Variants in TMIE observed in about 807,000 individuals in gnomAD.
TMIE encodes transmembrane inner ear expressed protein.
In TMIE, 14 loss-of-function variants were observed where a neutral mutation model predicts 16.8. The ratio of observed to expected loss-of-function variants is 0.83; its 90% confidence interval spans 0.55 to 1.30. TMIE has a LOEUF of 1.30. Among genes scored for constraint, TMIE ranks in the 50% most tolerant of loss-of-function variants. TMIE has a pLI of 0.00. For missense variants in TMIE, 204 were observed against 205.9 expected, an observed-to-expected ratio of 0.99 and a Z score of 0.06; for synonymous variants, 75 against 87.2, an observed-to-expected ratio of 0.86 and a Z score of 0.78.
At chr3:46,698,824 C>A (rs928114779), upstream of TMIE, among the ~76,000 whole-genome samples, 2 of 151,758 alleles carry the variant, frequency 1.3e-5, no homozygotes, top group East Asian at 1.9e-4. Flanking sequence ...GTTTCTTTTT[C>A]TTTTCTTTTC....
chr3:46,708,164 C>T (rs901895150), intron 2 of TMIE, among the ~76,000 whole-genome samples: 1 of 152,196 alleles, frequency 6.6e-6, no homozygotes. Context: ...TATTCTGAGC[C>T]TGGGTGAGAC....
At position 46,701,423 on chromosome 3, in the gene TMIE, AG is replaced by A; in HGVS notation, c.-61del. On this transcript the variant is annotated 5_prime_UTR_variant, in exon 1 of 4. Coordinates refer to ENST00000643606, the MANE Select transcript of TMIE (RefSeq NM_147196.3). The surrounding 1 kb of genome is among the most constrained non-coding windows in gnomAD (Gnocchi z 4.3). ...CCGTGGCCACCGAGCGCCGGCTGGC[AG>A]GGGCAGTGACCGGCGGCCGGCCCGT... 2 of 1,326,344 alleles carry A rather than the reference AG, an allele frequency of 1.5e-6. No homozygotes were observed. The highest frequency in any genetic ancestry group is 2.0e-6 in the Non-Finnish European group (2 of 1,000,308). The allele number at this position is 1,326,344 out of a possible 1,614,324, so 82.2% of individuals were successfully genotyped here.
At chr3:46,695,844 A>G (rs961078200) in intron 1 of TMIE, among the ~76,000 whole-genome samples, 1 of 152,186 alleles carries the variant, frequency 6.6e-6, no homozygotes, top group Non-Finnish European at 1.5e-5. Context: ...TGGGCAGCAG[A>G]CCAGTCCTTC....
At chr3:46,700,457 A>G (rs1575467507), upstream of TMIE, among the ~76,000 whole-genome samples, 1 of 152,102 alleles carries the variant, frequency 6.6e-6, no homozygotes, top group Admixed American at 6.5e-5. Flanking sequence ...GGCCTTCACC[A>G]GTGCCCCTGG....
At position 46,704,487 on chromosome 3, in the gene TMIE, A is replaced by ACGCCCAGGGCAGGACCG. The variant is rs1283387968; in HGVS notation, c.94-1303_94-1302insCGCCCAGGGCAGGACCG. ...ACCCAGGGCAGGACCATGTCCCTAG[A>ACGCCCAGGGCAGGACCG]TGCCCAGGGCAGGACCGTGTCCCCT... is the stretch of plus-strand genomic sequence containing the variant. On this transcript the variant is annotated intron_variant, in intron 1 of 3. Transcript: ENST00000643606. 5.5e-5 allele frequency among the ~76,000 whole-genome samples: 7 copies of ACGCCCAGGGCAGGACCG among 127,562 alleles called. 2 individuals carry two copies. The highest frequency in any genetic ancestry group is 1.6e-4 in the African/African-American group (5 of 32,106). The allele number at this position is 127,562 out of a possible 152,430, so 83.7% of individuals were successfully genotyped here.
rs1700605125 is a variant in TMIE, at chr3:46,710,262, G to C, written c.*574G>C. 1 of 177,936 alleles carries C rather than the reference G, an allele frequency of 5.6e-6. No individual in the cohort carries two copies. Among genetic ancestry groups the C allele is most frequent in the African/African-American group, 2.4e-5 (1 of 42,486 alleles). The allele number at this position is 177,936 out of a possible 1,614,324, so 11.0% of individuals were successfully genotyped here. A position where few individuals can be genotyped will look rare whatever the true frequency, so the allele number is the denominator to read the frequency against. On this transcript the variant is annotated 3_prime_UTR_variant, in exon 4 of 4. Transcript: ENST00000643606. ...CAGCTCAAGGGAGTAAGTAGAGGTG[G>C]CTTCAGAAATGGAACCCCCAGCCCA...
chr3:46,710,525 G>C lies in TMIE; in HGVS notation c.*837G>C, dbSNP rs563574068. ...TTTAAGAAGCCAAGGGGGACCTCGG[G>C]CTGTTCTGGTGGCCCCTTCTATGCC... On this transcript the variant is annotated 3_prime_UTR_variant, in exon 4 of 4. Coordinates refer to ENST00000643606, the MANE Select transcript of TMIE (RefSeq NM_147196.3). 4.4e-4 allele frequency: 67 copies of C among 152,530 alleles called. No homozygotes were observed. Among genetic ancestry groups the C allele is most frequent in the African/African-American group, 1.5e-3 (63 of 41,572 alleles). The allele number at this position is 152,530 out of a possible 1,614,324, so 9.4% of individuals were successfully genotyped here. A position where few individuals can be genotyped will look rare whatever the true frequency, so the allele number is the denominator to read the frequency against.
intron 2 of TMIE, among the ~76,000 whole-genome samples, chr3:46,706,829 T>G (rs1188006788): frequency 1.3e-5 from 2 of 151,996 alleles, no homozygotes; most frequent in Non-Finnish European, 2.9e-5. Context: ...AACTGGACAT[T>G]TGCTGAGTGC....
chr3:46,705,825 G>A lies in TMIE; in HGVS notation c.129G>A (p.Pro43=), dbSNP rs766215724. The A allele has an allele frequency of 1.1e-5, 18 of 1,613,942 alleles. No homozygotes were observed. The highest frequency in any genetic ancestry group is 6.7e-5 in the African/African-American group (5 of 74,926). Reference sequence around the variant, plus strand: ...CCCCACCCAAGCCCAAGCCGCCTCCGCTGACCAAGGAGACAGTGGTGTTCT... The same window carrying A: ...CCCCACCCAAGCCCAAGCCGCCTCCACTGACCAAGGAGACAGTGGTGTTCT... The part of the protein sequence containing the change: ...STAPPKPKPP[P]LTKETVVFWD... The change falls in exon 2 of 4, where the codon CCG becomes CCA. Residue 43 remains proline, a synonymous_variant. Transcript: ENST00000643606.
At chr3:46,701,215 C>T (rs544415544), upstream of TMIE, 20 of 378,498 alleles carry the variant, frequency 5.3e-5, no homozygotes, top group South Asian at 1.0e-3. The surrounding 1 kb of genome is among the most constrained non-coding windows in gnomAD (Gnocchi z 4.3). Context: ...CTCCCTCCCG[C>T]CCACCCCCAC....
At chr3:46,695,160 C>A (rs1264908544) in intron 1 of TMIE, among the ~76,000 whole-genome samples, 1 of 152,216 alleles carries the variant, frequency 6.6e-6, no homozygotes, top group African/African-American at 2.4e-5. Flanking sequence ...CACTTGGCTC[C>A]CTGAGTCTAC....
chr3:46,704,954 A>G (rs1298479731), intron 1 of TMIE, among the ~76,000 whole-genome samples: 2 of 152,108 alleles, frequency 1.3e-5, no homozygotes, highest in African/African-American at 4.8e-5. Context: ...TGTCCCCTAG[A>G]CACCCAGGAG....
At chr3:46,702,937 G>C (rs1700496228) in intron 1 of TMIE, among the ~76,000 whole-genome samples, 1 of 152,238 alleles carries the variant, frequency 6.6e-6, no homozygotes, top group East Asian at 1.9e-4. Flanking sequence ...GCTGGCCTAG[G>C]TGCAGACAGA....
intron 3 of TMIE, 89 bp from the exon 4 acceptor site, chr3:46,709,490 G>A (rs1700593449): frequency 6.2e-7 from 1 of 1,613,180 alleles, no homozygotes; most frequent in Admixed American, 1.7e-5. Context: ...GCAGAGTGTA[G>A]GAGGTTCTGG....
upstream of TMIE, among the ~76,000 whole-genome samples, chr3:46,698,783 A>G (rs1396227381): frequency 2.6e-5 from 4 of 152,080 alleles, no homozygotes; most frequent in African/African-American, 9.7e-5. Context: ...CTCTTATGCT[A>G]CTTTAGTTTT....
At chr3:46,696,834 A>C (rs1382519952), upstream of TMIE, among the ~76,000 whole-genome samples, 1 of 152,144 alleles carries the variant, frequency 6.6e-6, no homozygotes, top group Admixed American at 6.5e-5. Flanking sequence ...TCACAGCACC[A>C]TGTATGGAGG....
rs1302736032 is a variant in TMIE at position 46,710,092 on chromosome 3, T to C, written c.*404T>C. 3.1e-6 allele frequency: 1 copy of C among 327,350 alleles called. No homozygotes were observed. The highest frequency in any genetic ancestry group is 6.0e-6 in the Non-Finnish European group (1 of 166,560). 20.3% of individuals were successfully genotyped at this position (327,350 alleles called of 1,614,324 possible). A position where few individuals can be genotyped will look rare whatever the true frequency, so the allele number is the denominator to read the frequency against. On this transcript the variant is annotated 3_prime_UTR_variant, in exon 4 of 4. Coordinates refer to ENST00000643606, the MANE Select transcript of TMIE (RefSeq NM_147196.3). ...TCTGGCACGAAATGGCTGAAGTGCATGGGTCAGGGTGTGAGGCCACACCCA... is the reference window on the plus strand; with the variant it reads ...TCTGGCACGAAATGGCTGAAGTGCACGGGTCAGGGTGTGAGGCCACACCCA...
In TMIE at chr3:46,704,498, A is replaced by G. The variant is rs1248706710; in HGVS notation, c.94-1292A>G. On this transcript the variant is annotated intron_variant, in intron 1 of 3. Coordinates refer to ENST00000643606, the MANE Select transcript of TMIE (RefSeq NM_147196.3). ...GACCATGTCCCTAGATGCCCAGGGCAGGACCGTGTCCCCTAGACGCCCAGG... is the reference window on the plus strand; with the variant it reads ...GACCATGTCCCTAGATGCCCAGGGCGGGACCGTGTCCCCTAGACGCCCAGG... Among the ~76,000 whole-genome samples the G allele has an allele frequency of 1.1e-3, 125 of 111,790 alleles. 2 individuals are homozygous for G. Among genetic ancestry groups the G allele is most frequent in the Middle Eastern group, 0.01 (1 of 98 alleles). The allele number at this position is 111,790 out of a possible 152,430, so 73.3% of individuals were successfully genotyped here.
At chr3:46,695,534 C>CTT (rs1700398038) in intron 1 of TMIE, among the ~76,000 whole-genome samples, 2 of 152,162 alleles carry the variant, frequency 1.3e-5, no homozygotes, top group Non-Finnish European at 2.9e-5. Flanking sequence ...TGTGGGCCAC[C>CTT]AGGCATCCCT....
Sources: allele counts gnomAD v4.1 joint callset (sites outside exome capture counted in the v4.1 genomes callset), GRCh38; gene constraint gnomAD v4.1.1; non-coding constraint Gnocchi (gnomAD v3.1); transcripts MANE v1.5; gene names NCBI Gene and HGNC (gene_info 2026-07-23, HGNC 2026-07-21).